Variants in CHST11 observed in about 807,000 individuals in gnomAD.
The protein encoded by CHST11 is carbohydrate sulfotransferase 11, also known as C4S-1.
CHST11 carries 9 observed loss-of-function variants against 30.4 expected under a neutral mutation model. That is an observed-to-expected ratio of 0.30 (90% confidence interval 0.18 to 0.52). CHST11 has a LOEUF of 0.52. Among genes scored for constraint, CHST11 ranks in the 20% least tolerant of loss-of-function variants. CHST11 has a pLI of 0.97. For synonymous variants in CHST11, 152 were observed against 187.8 expected, an observed-to-expected ratio of 0.81 and a Z score of 1.56; for missense variants, 348 against 460.6, an observed-to-expected ratio of 0.76 and a Z score of 2.24.
intron 2 of CHST11, among the ~76,000 whole-genome samples, chr12:104,610,400 C>T (rs2039048792): frequency 6.6e-6 from 1 of 152,164 alleles, no homozygotes; most frequent in Non-Finnish European, 1.5e-5. Context: ...GGATAGTAAG[C>T]TCAATGCTCT....
At chr12:104,750,644 A>G (rs1268308598) in intron 2 of CHST11, among the ~76,000 whole-genome samples, 2 of 151,170 alleles carry the variant, frequency 1.3e-5, no homozygotes, top group East Asian at 3.9e-4. Context: ...GGGTTTCACC[A>G]TGTTGGCCAG....
intron 2 of CHST11, among the ~76,000 whole-genome samples, chr12:104,682,750 T>C (rs1199920566): frequency 2.0e-5 from 3 of 152,242 alleles, no homozygotes; most frequent in Non-Finnish European, 4.4e-5. Flanking sequence ...AGCCACCTCA[T>C]TGGGAAATAA....
At chr12:104,727,964 C>G (rs1240632458) in intron 2 of CHST11, among the ~76,000 whole-genome samples, 2 of 123,558 alleles carry the variant, frequency 1.6e-5, no homozygotes, top group African/African-American at 5.6e-5. Flanking sequence ...TGGATCCAGG[C>G]GTGGATCCAG....
chr12:104,579,432 G>A (rs548182507), intron 1 of CHST11, among the ~76,000 whole-genome samples: 1 of 152,226 alleles, frequency 6.6e-6, no homozygotes, highest in African/African-American at 2.4e-5. Context: ...TGTGACCTTG[G>A]GGGCATCACT....
chr12:104,722,703 G>A (rs2040187514), intron 2 of CHST11, among the ~76,000 whole-genome samples: 1 of 151,994 alleles, frequency 6.6e-6, no homozygotes, highest in Non-Finnish European at 1.5e-5. Flanking sequence ...TGGAAAGAGT[G>A]TCCAAAGAAA....
intron 2 of CHST11, among the ~76,000 whole-genome samples, chr12:104,645,994 G>A (rs1467991099): frequency 6.6e-6 from 1 of 152,166 alleles, no homozygotes; most frequent in Non-Finnish European, 1.5e-5. Context: ...ATACTCTCCA[G>A]CGCTTTGCTC....
At chr12:104,652,387 G>A (rs529970322) in intron 2 of CHST11, among the ~76,000 whole-genome samples, 36 of 152,182 alleles carry the variant, frequency 2.4e-4, no homozygotes, top group South Asian at 2.1e-4. Flanking sequence ...AGCTCAGGCC[G>A]TGTCCCAGGT....
At chr12:104,596,971 T>C (rs1432412103) in intron 1 of CHST11, among the ~76,000 whole-genome samples, 1 of 152,146 alleles carries the variant, frequency 6.6e-6, no homozygotes, top group African/African-American at 2.4e-5. Flanking sequence ...CTACTCAGGG[T>C]CCCACAGTAT....
chr12:104,598,201 C>T (rs955564956), intron 1 of CHST11, among the ~76,000 whole-genome samples: 1 of 152,134 alleles, frequency 6.6e-6, no homozygotes, highest in African/African-American at 2.4e-5. Context: ...CCTTTGCATC[C>T]CAGGCAACAG....
At chr12:104,649,111 G>C (rs1285598271) in intron 2 of CHST11, among the ~76,000 whole-genome samples, 1 of 152,122 alleles carries the variant, frequency 6.6e-6, no homozygotes, top group Admixed American at 6.5e-5. Context: ...CCTCAGGGAT[G>C]GGGGAAGCAG....
intron 2 of CHST11, among the ~76,000 whole-genome samples, chr12:104,748,227 A>G (rs1160861992): frequency 1.3e-5 from 2 of 152,194 alleles, no homozygotes; most frequent in African/African-American, 4.8e-5. Context: ...TTTTGTAATT[A>G]AGTATAGCTG....
intron 2 of CHST11, among the ~76,000 whole-genome samples, chr12:104,715,225 T>C (rs576143641): frequency 2.0e-4 from 30 of 151,668 alleles, no homozygotes; most frequent in Non-Finnish European, 4.0e-4. Context: ...AAGAAAAAAA[T>C]TAGCTGGATG....
chr12:104,512,628 T>C (rs1159983647), intron 1 of CHST11, among the ~76,000 whole-genome samples: 1 of 152,320 alleles, frequency 6.6e-6, no homozygotes, highest in African/African-American at 2.4e-5. Flanking sequence ...TAGGCTATTA[T>C]TGAGGTAGAG....
At chr12:104,677,730 C>T (rs2039755515) in intron 2 of CHST11, among the ~76,000 whole-genome samples, 1 of 152,254 alleles carries the variant, frequency 6.6e-6, no homozygotes. Context: ...AGCTTCCCCT[C>T]CTCCTTGGGT....
At chr12:104,687,747 G>A (rs12581027) in intron 2 of CHST11, among the ~76,000 whole-genome samples, 3,343 of 152,218 alleles carry the variant, frequency 0.022, 137 homozygotes, top group East Asian at 0.2. Context: ...TTCCTGCCTA[G>A]AATGATCCTG....
In CHST11 at chr12:104,760,540, G is replaced by C. The variant is rs1261563720; in HGVS notation, c.*2737G>C. ...GAGTGCTTCTTCAGTTTCATAGTTT[G>C]GAATCGTTCACTGTGTGCTTTTTGG... On this transcript the variant is annotated 3_prime_UTR_variant, in exon 3 of 3. Coordinates refer to ENST00000303694, the MANE Select transcript of CHST11 (RefSeq NM_018413.6). 2 of 152,198 alleles carry C rather than the reference G, an allele frequency of 1.3e-5. No individual in the cohort carries two copies. 9.4% of individuals were successfully genotyped at this position (152,198 alleles called of 1,614,324 possible).
chr12:104,694,918 C>A (rs2136109741), intron 2 of CHST11, among the ~76,000 whole-genome samples: 1 of 152,274 alleles, frequency 6.6e-6, no homozygotes, highest in Admixed American at 6.5e-5. Context: ...TTCTGGGCCC[C>A]ACAGAAGTCA....
chr12:104,712,579 G>A (rs141339390), intron 2 of CHST11, among the ~76,000 whole-genome samples: 6 of 152,194 alleles, frequency 3.9e-5, no homozygotes, highest in East Asian at 3.9e-4. Flanking sequence ...AACTCCATTC[G>A]GAGTTGCCTG....
intron 2 of CHST11, among the ~76,000 whole-genome samples, chr12:104,723,191 C>T (rs1371379387): frequency 6.6e-6 from 1 of 152,126 alleles, no homozygotes; most frequent in African/African-American, 2.4e-5. Flanking sequence ...GGCAGCTGGG[C>T]CCCTCAAGGA....
Sources: gnomAD v4.1 joint callset for allele counts (sites outside exome capture counted in the v4.1 genomes callset) on GRCh38, gnomAD v4.1.1 for gene constraint, MANE v1.5 for transcripts, NCBI Gene and HGNC (gene_info 2026-07-23, HGNC 2026-07-21) for gene names.